C8orf76: variants seen among roughly 807,000 people sequenced by gnomAD.
The protein encoded by C8orf76 is uncharacterized protein C8orf76.
Under a neutral mutation model 38.1 loss-of-function variants are expected in C8orf76, and 46 were observed. That is an observed-to-expected ratio of 1.21 (90% CI 0.95 to 1.54). C8orf76 has a LOEUF of 1.54. Ranked by LOEUF, C8orf76 falls within the 40% of genes most tolerant of loss-of-function variation. The pLI is 0.00. For synonymous variants in C8orf76, 166 were observed against 167.5 expected (o/e 0.99, Z 0.07); for missense variants, 461 against 441.6 (o/e 1.04, Z -0.39).
intron 2 of C8orf76, 66 bp downstream of exon 2, chr8:123,238,983 G>A: frequency 6.6e-7 from 1 of 1,505,970 alleles, no homozygotes; most frequent in Non-Finnish European, 9.2e-7. Flanking sequence ...TTGGTACACT[G>A]TTATTTACAT....
At chr8:123,222,259 CG>C (rs764593318) in intron 5 of C8orf76, among the ~76,000 whole-genome samples, 9 of 152,166 alleles carry the variant, frequency 5.9e-5, no homozygotes, top group Admixed American at 1.3e-4. Context: ...GCTGGGATTA[CG>C]GGCGTGCGCC....
chr8:123,225,438 G>T (rs568379129), intron 5 of C8orf76, among the ~76,000 whole-genome samples: 2 of 152,330 alleles, frequency 1.3e-5, no homozygotes, highest in Admixed American at 1.3e-4. Flanking sequence ...AGACTGGAGA[G>T]TAATCAACCC....
At chr8:123,239,728 C>G (rs540979929) in intron 1 of C8orf76, 26 of 152,002 alleles carry the variant, frequency 1.7e-4, no homozygotes, top group African/African-American at 6.0e-4. Context: ...GTGGCTTACA[C>G]CTGTAATCCC....
intron 4 of C8orf76, among the ~76,000 whole-genome samples, chr8:123,230,578 C>T (rs1825216069): frequency 6.6e-6 from 1 of 152,042 alleles, no homozygotes; most frequent in South Asian, 2.1e-4. Context: ...CTTGGCCTCC[C>T]AGGCTCAAGC....
chr8:123,236,232 G>T (rs894238825), intron 3 of C8orf76, among the ~76,000 whole-genome samples: 1 of 152,166 alleles, frequency 6.6e-6, no homozygotes, highest in Non-Finnish European at 1.5e-5. Context: ...GTGTGCATAC[G>T]TTAGGCTGAT....
rs757074804 is a variant in C8orf76 at position 123,241,342 on chromosome 8, T to C, written c.5A>G (p.Asp2Gly). 3.2e-6 allele frequency: 5 copies of C among 1,560,494 alleles called. No homozygotes were observed. Among genetic ancestry groups the C allele is most frequent in the South Asian group, 2.3e-5 (2 of 85,700 alleles). The change falls in exon 1 of 6, where the codon GAT becomes GGT. Residue 2 changes from aspartate (D) to glycine (G), a missense_variant. Asp to Gly is a moderately conservative substitution (Grantham distance 94). Coordinates refer to ENST00000276704, the MANE Select transcript of C8orf76 (RefSeq NM_032847.3). ...GCCGCCGAACAACCAGCACCCGGAATCCATCTCGCGCCCGCGGCGGGGGCA... is the reference window on the plus strand; with the variant it reads ...GCCGCCGAACAACCAGCACCCGGAACCCATCTCGCGCCCGCGGCGGGGGCA... M[D>G]SGCWLFGGEF... is the part of the protein sequence containing the mutation.
chr8:123,241,089 G>A (rs1475921675), intron 1 of C8orf76, 141 bp downstream of exon 1: 6 of 801,686 alleles, frequency 7.5e-6, no homozygotes, highest in Non-Finnish European at 1.1e-5. Context: ...TGGAGGAGGA[G>A]GGACGGCGGG....
chr8:123,239,022 C>T, intron 2 of C8orf76, 27 bp downstream of exon 2: 1 of 1,611,162 alleles, frequency 6.2e-7, no homozygotes, highest in South Asian at 1.1e-5. Flanking sequence ...CAAGAGCCCA[C>T]TTCAAGCACC....
At chr8:123,226,835 T>C (rs1055201894) in intron 4 of C8orf76, among the ~76,000 whole-genome samples, 21 of 152,218 alleles carry the variant, frequency 1.4e-4, no homozygotes, top group Non-Finnish European at 2.4e-4. Flanking sequence ...CAACTTTACA[T>C]TGGAGATTCA....
chr8:123,230,823 G>T (rs1457698415), intron 4 of C8orf76, among the ~76,000 whole-genome samples: 1 of 152,080 alleles, frequency 6.6e-6, no homozygotes, highest in Non-Finnish European at 1.5e-5. Context: ...CTAATTTTTT[G>T]TATTTTAGTA....
intron 3 of C8orf76, among the ~76,000 whole-genome samples, chr8:123,233,946 T>A (rs1825370339): frequency 6.6e-6 from 1 of 150,888 alleles, no homozygotes; most frequent in African/African-American, 2.4e-5. Flanking sequence ...GAGAATGGCA[T>A]GAACCCGGGA....
At position 123,220,271 on chromosome 8, in the gene C8orf76, T is replaced by C. The variant is rs772508399; in HGVS notation, c.975A>G (p.Lys325=). 2 of 1,603,880 alleles carry C rather than the reference T, an allele frequency of 1.2e-6. No individual in the cohort carries two copies. The highest frequency in any genetic ancestry group is 1.7e-6 in the Non-Finnish European group (2 of 1,176,742). Residue 325 remains lysine (K), a synonymous_variant, in exon 6 of 6, where the codon AAA becomes AAG. Transcript: ENST00000276704. The part of the protein sequence containing the change: ...AEVMGEDIPE[K]IKDEVHPEVK... ...CCTCTGGGTGAACTTCATCTTTTATTTTTTCTGGGATATCTTCTCCCATAA... is the reference window on the plus strand; with the variant it reads ...CCTCTGGGTGAACTTCATCTTTTATCTTTTCTGGGATATCTTCTCCCATAA...
At chr8:123,220,356 T>C in intron 5 of C8orf76, 59 bp from the exon 6 acceptor site, 1 of 1,318,230 alleles carries the variant, frequency 7.6e-7, no homozygotes, top group Non-Finnish European at 1.0e-6. Context: ...CATGGAATGC[T>C]AGTTATCAAC....
intron 1 of C8orf76, chr8:123,239,767 T>A (rs1825620461): frequency 6.6e-6 from 1 of 152,104 alleles, no homozygotes; most frequent in Non-Finnish European, 1.5e-5. Context: ...GGCGGGCAGA[T>A]CACTTGAGGT....
In C8orf76 at chr8:123,241,373, G is replaced by C. The variant is rs777706231; in HGVS notation, c.-27C>G. On this transcript the variant is annotated 5_prime_UTR_variant, in exon 1 of 6. Transcript: ENST00000276704. Reference sequence around the variant, plus strand: ...TCGCGCCCGCGGCGGGGGCAACGAGGAAGCGGGGCCCGCCGGAAAAGGCGG... The same window carrying C: ...TCGCGCCCGCGGCGGGGGCAACGAGCAAGCGGGGCCCGCCGGAAAAGGCGG... The C allele has an allele frequency of 4.3e-5, 66 of 1,536,298 alleles. No individual in the cohort carries two copies. The highest frequency in any genetic ancestry group is 5.1e-5 in the Non-Finnish European group (59 of 1,151,858).
At chr8:123,235,524 C>G (rs1165798774) in intron 3 of C8orf76, among the ~76,000 whole-genome samples, 1 of 152,164 alleles carries the variant, frequency 6.6e-6, no homozygotes, top group Non-Finnish European at 1.5e-5. Flanking sequence ...TGCAGACACG[C>G]AAGGTCCGCT....
Position 123,241,341 on chromosome 8 carries a change from A to G in C8orf76, c.6T>C (p.Asp2=), listed in dbSNP as rs1166415381. Residue 2 remains aspartate, a synonymous_variant, in exon 1 of 6, where the codon GAT becomes GAC. Coordinates refer to ENST00000276704, the MANE Select transcript of C8orf76 (RefSeq NM_032847.3). M[D]SGCWLFGGEF... ...CGCCGCCGAACAACCAGCACCCGGA[A>G]TCCATCTCGCGCCCGCGGCGGGGGC... The G allele has an allele frequency of 1.9e-6, 3 of 1,558,732 alleles. No homozygotes were observed. The highest frequency in any genetic ancestry group is 1.2e-5 in the South Asian group (1 of 85,142).
Position 123,241,337 on chromosome 8 carries a change from C to T in C8orf76, c.10G>A (p.Gly4Arg), listed in dbSNP as rs751913898. 3.8e-6 allele frequency: 6 copies of T among 1,562,380 alleles called. No individual in the cohort carries two copies. Among genetic ancestry groups the T allele is most frequent in the Admixed American group, 2.0e-5 (1 of 49,564 alleles). Residue 4 changes from glycine to arginine, a missense_variant, in exon 1 of 6, where the codon GGG becomes AGG. Coordinates refer to ENST00000276704, the MANE Select transcript of C8orf76 (RefSeq NM_032847.3). MDS[G>R]CWLFGGEFED... is the part of the protein sequence containing the mutation. The stretch of plus-strand genomic sequence containing the variant: ...AACTCGCCGCCGAACAACCAGCACC[C>T]GGAATCCATCTCGCGCCCGCGGCGG...
chr8:123,241,165 G>A, intron 1 of C8orf76, 65 bp downstream of exon 1: 3 of 1,470,502 alleles, frequency 2.0e-6, no homozygotes, highest in South Asian at 1.3e-5. Flanking sequence ...CGAGGCCGGG[G>A]CCGGGGCCCC....
Sources: gnomAD v4.1 joint callset for allele counts (sites outside exome capture counted in the v4.1 genomes callset) on GRCh38, gnomAD v4.1.1 for gene constraint, MANE v1.5 for transcripts, NCBI Gene and HGNC (gene_info 2026-07-23, HGNC 2026-07-21) for gene names.